SLC6A5: variants seen among roughly 807,000 people sequenced by gnomAD.
The protein encoded by SLC6A5 is solute carrier family 6 member 5.
In SLC6A5, 58 loss-of-function variants were observed where a neutral mutation model predicts 90.5. That is an observed-to-expected ratio of 0.64 (90% confidence interval 0.52 to 0.80). The LOEUF is 0.80. Ranked by LOEUF, SLC6A5 falls within the 30% of genes least tolerant of loss-of-function variation. The pLI is 0.00. For synonymous variants in SLC6A5, 427 were observed against 401.4 expected (o/e 1.06, Z -0.76); for missense variants, 1,015 against 1,017.6 (o/e 1.00, Z 0.03).
At chr11:20,634,323 C>T (rs1196919597) in intron 10 of SLC6A5, among the ~76,000 whole-genome samples, 4 of 152,168 alleles carry the variant, frequency 2.6e-5, no homozygotes, top group African/African-American at 4.8e-5. Context: ...TAGATGACTC[C>T]GCTCCCCATC....
chr11:20,652,771 A>C (rs114126160), intron 15 of SLC6A5, among the ~76,000 whole-genome samples: 1,668 of 152,148 alleles, frequency 0.011, 27 homozygotes, highest in African/African-American at 0.037. Context: ...CCACAGTTTA[A>C]ATCTCAGTGT....
At chr11:20,621,206 G>GA (rs1410318061) in intron 7 of SLC6A5, among the ~76,000 whole-genome samples, 1 of 152,094 alleles carries the variant, frequency 6.6e-6, no homozygotes, top group Non-Finnish European at 1.5e-5. Context: ...TATAGTGGGG[G>GA]AAAAAATCCC....
intron 3 of SLC6A5, among the ~76,000 whole-genome samples, chr11:20,604,910 T>A (rs1852548991): frequency 6.6e-6 from 1 of 152,170 alleles, no homozygotes; most frequent in South Asian, 2.1e-4. Context: ...CAGAAGTGCC[T>A]GCCACCCCCG....
chr11:20,606,330 T>C (rs1852580490), intron 3 of SLC6A5, among the ~76,000 whole-genome samples: 1 of 152,168 alleles, frequency 6.6e-6, no homozygotes, highest in South Asian at 2.1e-4. Context: ...AAGTGATCGG[T>C]GCCTGGAGAA....
intron 14 of SLC6A5, among the ~76,000 whole-genome samples, chr11:20,648,562 T>A (rs2133821106): frequency 6.6e-6 from 1 of 152,282 alleles, no homozygotes; most frequent in Non-Finnish European, 1.5e-5. Context: ...GGAATGTATA[T>A]GAAGAACTTG....
At chr11:20,653,232 C>G (rs1853575367) in intron 15 of SLC6A5, among the ~76,000 whole-genome samples, 1 of 152,152 alleles carries the variant, frequency 6.6e-6, no homozygotes, top group African/African-American at 2.4e-5. Flanking sequence ...TAAATCAGGG[C>G]TACTTAGGGT....
chr11:20,612,003 C>T (rs1038695472), intron 5 of SLC6A5, among the ~76,000 whole-genome samples: 15 of 152,162 alleles, frequency 9.9e-5, no homozygotes, highest in Non-Finnish European at 1.8e-4. Context: ...CTCACTGTGC[C>T]TGTTGGGCAA....
intron 7 of SLC6A5, among the ~76,000 whole-genome samples, chr11:20,621,894 G>C (rs1590165958): frequency 6.6e-6 from 1 of 152,316 alleles, no homozygotes; most frequent in East Asian, 1.9e-4. Context: ...CGGGCGACCA[G>C]CAGGCAGCCT....
Position 20,658,541 on chromosome 11 carries a change from T to C in SLC6A5, c.*3673T>C, listed in dbSNP as rs1853664247. Reference sequence around the variant, plus strand: ...AAAGGTGTGGGTGATTCTGCCTTGATACTCATTTCCCCACAAAGTGGCCCT... The same window carrying C: ...AAAGGTGTGGGTGATTCTGCCTTGACACTCATTTCCCCACAAAGTGGCCCT... On this transcript the variant is annotated 3_prime_UTR_variant, in exon 16 of 16. Transcript: ENST00000525748. The C allele has an allele frequency of 6.6e-6, 1 of 152,198 alleles. No homozygotes were observed. Among genetic ancestry groups the C allele is most frequent in the African/African-American group, 2.4e-5 (1 of 41,454 alleles). 9.4% of individuals were successfully genotyped at this position (152,198 alleles called of 1,614,324 possible).
intron 13 of SLC6A5, among the ~76,000 whole-genome samples, chr11:20,641,224 G>T (rs1267340304): frequency 6.6e-6 from 1 of 152,146 alleles, no homozygotes; most frequent in Non-Finnish European, 1.5e-5. Context: ...GAAACAATGT[G>T]ATTGAACAGC....
rs1436597760 is a variant in SLC6A5 at position 20,607,544 on chromosome 11, T to C, written c.877T>C (p.Tyr293His). Residue 293 changes from tyrosine to histidine, a missense_variant, in exon 5 of 16, where the codon TAT (tyrosine) becomes CAT (histidine). Physicochemically the swap from Tyr to His is moderately conservative, Grantham distance 83 (BLOSUM62 2). Around this residue, in one of 3 missense-constraint regions of SLC6A5, gnomAD observed 567 missense variants for 507.3 expected, o/e 1.12. Coordinates refer to ENST00000525748, the MANE Select transcript of SLC6A5 (RefSeq NM_004211.5). ...IAIYYNVIIC[Y>H]TLFYLFASFV... ...CATATACTACAATGTGATTATTTGC[T>C]ATACACTTTTCTACCTGTTTGCCTC... The C allele has an allele frequency of 1.2e-6, 2 of 1,614,166 alleles. No individual in the cohort carries two copies.
At chr11:20,617,906 A>G in intron 7 of SLC6A5, 22 bp downstream of exon 7, 1 of 1,613,208 alleles carries the variant, frequency 6.2e-7, no homozygotes, top group Non-Finnish European at 8.5e-7. Context: ...GATTTATCTA[A>G]GAGAAAGCTG....
intron 13 of SLC6A5, among the ~76,000 whole-genome samples, chr11:20,642,627 C>T (rs1354185635): frequency 6.6e-6 from 1 of 152,198 alleles, no homozygotes; most frequent in Admixed American, 6.5e-5. Flanking sequence ...AGAACAGTTC[C>T]TTTATCATGA....
At chr11:20,653,815 C>A (rs527537407) in intron 15 of SLC6A5, among the ~76,000 whole-genome samples, 1 of 152,306 alleles carries the variant, frequency 6.6e-6, no homozygotes. Context: ...CTGAATAGAA[C>A]CTGGTTTAGC....
rs1401657297 is a variant in SLC6A5, at chr11:20,639,243, TG to T, written c.1969+686del. 3.9e-5 allele frequency among the ~76,000 whole-genome samples: 6 copies of T among 152,296 alleles called. No homozygotes were observed. In the East Asian group the frequency reaches 1.2e-3, roughly 29 times the overall value. The stretch of plus-strand genomic sequence containing the variant: ...GCATCTCCTGGTCCCTTGTATGCAC[TG>T]TCGGTGAGTTCAAGAAAGTCCTATT... On this transcript the variant is annotated intron_variant, in intron 13 of 15. Coordinates refer to ENST00000525748, the MANE Select transcript of SLC6A5 (RefSeq NM_004211.5).
intron 5 of SLC6A5, among the ~76,000 whole-genome samples, chr11:20,610,543 A>C (rs1852675375): frequency 6.6e-6 from 1 of 152,204 alleles, no homozygotes; most frequent in African/African-American, 2.4e-5. Flanking sequence ...GGGTGGACGT[A>C]ATGTTTGGCA....
At chr11:20,650,436 C>T (rs992346914) in intron 14 of SLC6A5, among the ~76,000 whole-genome samples, 1 of 152,144 alleles carries the variant, frequency 6.6e-6, no homozygotes, top group Non-Finnish European at 1.5e-5. Context: ...GGGCAGAAAA[C>T]ACATCATGAC....
intron 1 of SLC6A5, among the ~76,000 whole-genome samples, chr11:20,600,048 T>G (rs893800850): frequency 8.3e-4 from 126 of 152,192 alleles, no homozygotes; most frequent in Non-Finnish European, 4.1e-4. Flanking sequence ...AGTTCTATTC[T>G]GCGTGTTTGT....
chr11:20,633,463 G>A (rs1363933853), intron 10 of SLC6A5, among the ~76,000 whole-genome samples: 1 of 152,174 alleles, frequency 6.6e-6, no homozygotes, highest in African/African-American at 2.4e-5. Flanking sequence ...TCCTCAGAGA[G>A]CTCATTCAAT....
Sources: allele counts gnomAD v4.1 joint callset (sites outside exome capture counted in the v4.1 genomes callset), GRCh38; gene constraint gnomAD v4.1.1; regional missense constraint gnomAD v4.1.1; transcripts MANE v1.5; gene names NCBI Gene and HGNC (gene_info 2026-07-23, HGNC 2026-07-21).